DUSP16: variants seen among roughly 807,000 people sequenced by gnomAD.
DUSP16 encodes dual specificity phosphatase 16.
In DUSP16, 21 loss-of-function variants were observed where a neutral mutation model predicts 58.3. The observed-to-expected ratio is 0.36, with a 90% confidence interval of 0.26 to 0.52. The LOEUF is 0.52. Among genes scored for constraint, DUSP16 ranks in the 20% least tolerant of loss-of-function variants. DUSP16 has a pLI of 0.94. For missense variants in DUSP16, 726 were observed against 819.0 expected, an observed-to-expected ratio of 0.89 and a Z score of 1.39; for synonymous variants, 320 against 323.8, an observed-to-expected ratio of 0.99 and a Z score of 0.12.
chr12:12,502,145 T>C (rs1943919528), intron 3 of DUSP16, among the ~76,000 whole-genome samples: 1 of 152,234 alleles, frequency 6.6e-6, no homozygotes, highest in Non-Finnish European at 1.5e-5. Context: ...TTTCTCCCAC[T>C]TCAAGAAACA....
intron 2 of DUSP16, 148 bp downstream of exon 2, chr12:12,520,723 T>C: frequency 1.3e-6 from 1 of 760,110 alleles, no homozygotes; most frequent in Non-Finnish European, 2.1e-6. Flanking sequence ...CAATAAATTA[T>C]TTTGAGGTAC....
At chr12:12,509,614 T>C (rs1032478961) in intron 3 of DUSP16, among the ~76,000 whole-genome samples, 2 of 152,230 alleles carry the variant, frequency 1.3e-5, no homozygotes, top group African/African-American at 4.8e-5. Context: ...ACTGTGTATG[T>C]GTTGTGACCC....
intron 4 of DUSP16, among the ~76,000 whole-genome samples, chr12:12,499,976 T>C (rs1370844352): frequency 1.3e-5 from 2 of 151,880 alleles, no homozygotes; most frequent in Admixed American, 1.3e-4. Flanking sequence ...CTCTTCCCTC[T>C]TCCTTCTCAA....
intron 1 of DUSP16, among the ~76,000 whole-genome samples, chr12:12,536,742 A>G (rs780155234): frequency 9.5e-4 from 144 of 151,522 alleles, no homozygotes; most frequent in Non-Finnish European, 1.4e-3. Context: ...ACGAAACTCC[A>G]TCTCAAAAAA....
In DUSP16 at chr12:12,477,401, G is replaced by A. The variant is rs1943469229; in HGVS notation, c.1430C>T (p.Ser477Leu). 1 of 1,612,366 alleles carries A rather than the reference G, an allele frequency of 6.2e-7. No individual in the cohort carries two copies. Among genetic ancestry groups the A allele is most frequent in the African/African-American group, 1.3e-5 (1 of 74,880 alleles). The change falls in exon 7 of 7, where the codon TCA (serine) becomes TTA (leucine). Residue 477 changes from serine to leucine, a missense_variant. Transcript: ENST00000298573. This position sits in a 1 kb window ranked among gnomAD's most constrained non-coding sequence, Gnocchi z 4.1. ...IPKKLQTARP[S>L]DSQSKRLHSV... is the part of the protein sequence containing the mutation. ...ATGCAATCGCTTGCTCTGGCTGTCT[G>A]AAGGCCTGGCGGTCTGCAGCTTCTT...
intron 5 of DUSP16, among the ~76,000 whole-genome samples, chr12:12,482,743 T>C (rs1249015413): frequency 6.6e-6 from 1 of 152,216 alleles, no homozygotes; most frequent in Non-Finnish European, 1.5e-5. Context: ...AGACAGGGTC[T>C]CACTCTGTTC....
intron 1 of DUSP16, among the ~76,000 whole-genome samples, chr12:12,557,381 C>T (rs551660671): frequency 1.7e-4 from 25 of 150,280 alleles, no homozygotes; most frequent in African/African-American, 5.6e-4. Context: ...CGCTTGAACC[C>T]GGGAGGCGGA....
chr12:12,479,586 C>A (rs1943523350), intron 6 of DUSP16, among the ~76,000 whole-genome samples: 2 of 152,122 alleles, frequency 1.3e-5, no homozygotes, highest in African/African-American at 4.8e-5. Flanking sequence ...AAAAATCCAA[C>A]TGTTAAATCA....
rs1156583114 is a variant in DUSP16, at chr12:12,508,802, GCAACAGTTATGACATACA to G, written c.368-8138_368-8121del. On this transcript the variant is annotated intron_variant, in intron 3 of 6. Transcript: ENST00000298573. ...ATCTAATTTTGGTATTAGGACATAT[GCAACAGTTATGACATACA>G]CAACAGTTATGACATACACAACAAA... is the stretch of plus-strand genomic sequence containing the variant. 4.6e-5 allele frequency among the ~76,000 whole-genome samples: 7 copies of G among 152,272 alleles called. No homozygotes were observed. The South Asian group carries it at 6.2e-4, about 14-fold the overall frequency.
At position 12,562,465 on chromosome 12, in the gene DUSP16, G is replaced by T. The variant is rs977276956; in HGVS notation, c.-714C>A. The T allele has an allele frequency of 6.8e-6, 1 of 147,306 alleles. No individual in the cohort carries two copies. Among genetic ancestry groups the T allele is most frequent in the Admixed American group, 6.8e-5 (1 of 14,656 alleles). The allele number at this position is 147,306 out of a possible 1,614,324, so 9.1% of individuals were successfully genotyped here. A position where few individuals can be genotyped will look rare whatever the true frequency, so the allele number is the denominator to read the frequency against. On this transcript the variant is annotated 5_prime_UTR_variant, in exon 1 of 7. Transcript: ENST00000298573. Reference sequence around the variant, plus strand: ...AGGTAAAGGTGGGGGGCCGCGTTGTGAAAGTGGGGGTTGGGGGGGAGAGAG... The same window carrying T: ...AGGTAAAGGTGGGGGGCCGCGTTGTTAAAGTGGGGGTTGGGGGGGAGAGAG...
intron 1 of DUSP16, among the ~76,000 whole-genome samples, chr12:12,528,602 C>T (rs1304867953): frequency 1.3e-5 from 2 of 152,136 alleles, no homozygotes; most frequent in African/African-American, 2.4e-5. Context: ...ATTCAGTCAA[C>T]TAACAAGTAC....
chr12:12,482,440 G>GA (rs767709112), intron 5 of DUSP16, among the ~76,000 whole-genome samples: 12 of 152,014 alleles, frequency 7.9e-5, no homozygotes, highest in Non-Finnish European at 1.8e-4. Flanking sequence ...TTTTAAAAAT[G>GA]AAAAAAACAA....
chr12:12,507,562 T>G (rs1377491460), intron 3 of DUSP16, among the ~76,000 whole-genome samples: 1 of 152,264 alleles, frequency 6.6e-6, no homozygotes, highest in Non-Finnish European at 1.5e-5. Context: ...ATCATCTGCA[T>G]ATAGTTCATA....
At chr12:12,490,719 C>G (rs549921392) in intron 4 of DUSP16, among the ~76,000 whole-genome samples, 1 of 152,176 alleles carries the variant, frequency 6.6e-6, no homozygotes. Context: ...AGAGCAGGAA[C>G]TTGTAAAACA....
intron 1 of DUSP16, among the ~76,000 whole-genome samples, chr12:12,547,561 A>G (rs1407154620): frequency 6.7e-6 from 1 of 149,924 alleles, no homozygotes; most frequent in Admixed American, 6.6e-5. Context: ...AAAAAAAGCA[A>G]AACATACTAC....
At chr12:12,524,296 G>C (rs1046386133) in intron 1 of DUSP16, among the ~76,000 whole-genome samples, 1 of 152,210 alleles carries the variant, frequency 6.6e-6, no homozygotes, top group Admixed American at 6.5e-5. Flanking sequence ...TAAAAGTGAA[G>C]TGAGGGTGAA....
At chr12:12,549,590 T>A (rs952454283) in intron 1 of DUSP16, among the ~76,000 whole-genome samples, 1 of 152,052 alleles carries the variant, frequency 6.6e-6, no homozygotes, top group Non-Finnish European at 1.5e-5. Flanking sequence ...AAGAAAAAAA[T>A]AACAGTCTCC....
At chr12:12,492,420 G>C (rs1592171857) in intron 4 of DUSP16, among the ~76,000 whole-genome samples, 1 of 152,058 alleles carries the variant, frequency 6.6e-6, no homozygotes. Flanking sequence ...CCCACCTGCT[G>C]TTTTGGGCGA....
At chr12:12,535,731 T>C (rs1474282272) in intron 1 of DUSP16, among the ~76,000 whole-genome samples, 1 of 152,150 alleles carries the variant, frequency 6.6e-6, no homozygotes, top group Non-Finnish European at 1.5e-5. Flanking sequence ...CGGTCAGATG[T>C]CCAGCAAGCC....
Sources: gnomAD v4.1 joint callset for allele counts (sites outside exome capture counted in the v4.1 genomes callset) on GRCh38, gnomAD v4.1.1 for gene constraint, Gnocchi (gnomAD v3.1) non-coding constraint, MANE v1.5 for transcripts, NCBI Gene and HGNC (gene_info 2026-07-23, HGNC 2026-07-21) for gene names.